VCAN: variants seen among roughly 807,000 people sequenced by gnomAD.
VCAN encodes the protein versican.
In VCAN, 44 loss-of-function variants were observed where a neutral mutation model predicts 245.5. The ratio of observed to expected loss-of-function variants is 0.18; its 90% CI spans 0.14 to 0.23. The LOEUF is 0.23. Among genes scored for constraint, VCAN ranks in the 10% least tolerant of loss-of-function variants. The probability of loss-of-function intolerance (pLI) is 1.00; values close to 1 mark genes in which losing one functional copy is unlikely to be tolerated. For missense variants in VCAN, 3,793 were observed against 4,057.9 expected, an observed-to-expected ratio of 0.93 and a Z score of 1.77; for synonymous variants, 1,413 against 1,437.0, an observed-to-expected ratio of 0.98 and a Z score of 0.38.
chr5:83,549,498 T>C (rs1269546794), intron 10 of VCAN, among the ~76,000 whole-genome samples: 1 of 152,178 alleles, frequency 6.6e-6, no homozygotes, highest in African/African-American at 2.4e-5. Flanking sequence ...TGAACCTAAA[T>C]GGCTTAACTC....
In VCAN at chr5:83,581,052, C is replaced by A. The variant is rs947873179; in HGVS notation, c.*618C>A. The stretch of plus-strand genomic sequence containing the variant: ...TGCTTCTACATGATGCTAAAGGCTG[C>A]GAATGGGATCCTGATGGAACTAAGG... On this transcript the variant is annotated 3_prime_UTR_variant, in exon 15 of 15. Coordinates refer to ENST00000265077, the MANE Select transcript of VCAN (RefSeq NM_004385.5). 1 of 158,698 alleles carries A rather than the reference C, an allele frequency of 6.3e-6. No individual in the cohort carries two copies. The highest frequency in any genetic ancestry group is 1.8e-4 in the South Asian group (1 of 5,512). The allele number at this position is 158,698 out of a possible 1,614,324, so 9.8% of individuals were successfully genotyped here.
intron 7 of VCAN, among the ~76,000 whole-genome samples, chr5:83,526,535 C>T (rs893992555): frequency 6.6e-6 from 1 of 151,982 alleles, no homozygotes; most frequent in African/African-American, 2.4e-5. Context: ...TAACATGTAC[C>T]TCACAACACA....
chr5:83,546,458 T>A (rs1229652326), intron 9 of VCAN, among the ~76,000 whole-genome samples: 1 of 151,954 alleles, frequency 6.6e-6, no homozygotes, highest in Non-Finnish European at 1.5e-5. Context: ...AAAAGAGTAC[T>A]TAAAAAAAGT....
At position 83,521,605 on chromosome 5, in the gene VCAN, A is replaced by C; in HGVS notation, c.3299A>C (p.His1100Pro). 2 of 1,614,060 alleles carry C rather than the reference A, an allele frequency of 1.2e-6. No individual in the cohort carries two copies. Among genetic ancestry groups the C allele is most frequent in the South Asian group, 2.2e-5 (2 of 91,080 alleles). ...LETTPVGKID[H>P]SVSYPPGAVT... ...ACAACTCCAGTTGGAAAAATTGATC[A>C]CAGTGTGTCTTATCCACCAGGTGCT... is the stretch of plus-strand genomic sequence containing the variant. Residue 1100 changes from histidine (H) to proline (P), a missense_variant, in exon 7 of 15, where the codon CAC becomes CCC. By Grantham distance (77) the His-to-Pro change is moderately conservative. Coordinates refer to ENST00000265077, the MANE Select transcript of VCAN (RefSeq NM_004385.5).
chr5:83,549,203 C>A (rs886350361), intron 10 of VCAN, among the ~76,000 whole-genome samples: 4 of 152,114 alleles, frequency 2.6e-5, no homozygotes, highest in East Asian at 1.9e-4. Context: ...AGAAGCAATT[C>A]AAAAAATCGT....
At position 83,537,937 on chromosome 5, in the gene VCAN, CAGA is replaced by C. The variant is rs1232901462; in HGVS notation, c.4941_4943del (p.Glu1647del). The C allele has an allele frequency of 4.3e-6, 7 of 1,613,744 alleles. No homozygotes were observed. Among genetic ancestry groups the C allele is most frequent in the African/African-American group, 1.3e-5 (1 of 74,890 alleles). ...CCAATTACAGAAGGCTCTGGAGAAG[CAGA>C]AGAAGATGAAGATACAATGTTCACC... On this transcript the variant is annotated inframe_deletion, in exon 8 of 15. Coordinates refer to ENST00000265077, the MANE Select transcript of VCAN (RefSeq NM_004385.5).
At chr5:83,547,947 T>A in intron 9 of VCAN, 24 bp from the exon 10 acceptor site, 1 of 1,523,450 alleles carries the variant, frequency 6.6e-7, no homozygotes, top group South Asian at 1.1e-5. Flanking sequence ...AAGTATTTTG[T>A]GAGCTTTTAC....
At chr5:83,479,935 A>G (rs1459317022) in intron 1 of VCAN, among the ~76,000 whole-genome samples, 2 of 152,154 alleles carry the variant, frequency 1.3e-5, no homozygotes, top group African/African-American at 4.8e-5. Context: ...CATGGAGTGG[A>G]AATGGGTAAG....
At chr5:83,545,686 T>G in intron 9 of VCAN, 36 bp downstream of exon 9, 3 of 1,471,630 alleles carry the variant, frequency 2.0e-6, no homozygotes, top group Non-Finnish European at 2.9e-6. Context: ...TGCAGTTCTT[T>G]CACAGAAGAT....
intron 5 of VCAN, among the ~76,000 whole-genome samples, chr5:83,498,416 G>A (rs773263858): frequency 1.2e-4 from 18 of 152,172 alleles, no homozygotes; most frequent in Non-Finnish European, 2.2e-4. Flanking sequence ...GAATAAATGA[G>A]TGAATTAATG....
intron 10 of VCAN, 102 bp downstream of exon 10, chr5:83,548,186 C>A: frequency 1.2e-6 from 1 of 840,880 alleles, no homozygotes; most frequent in East Asian, 2.6e-5. Flanking sequence ...TTCACATTTC[C>A]TTAGGTTTCC....
intron 1 of VCAN, among the ~76,000 whole-genome samples, chr5:83,472,862 A>G (rs1234172667): frequency 6.6e-6 from 1 of 152,122 alleles, no homozygotes; most frequent in Non-Finnish European, 1.5e-5. Context: ...AGGGATGTGC[A>G]ACAATTTTTC....
intron 10 of VCAN, among the ~76,000 whole-genome samples, chr5:83,552,985 C>G (rs1747528371): frequency 6.6e-6 from 1 of 152,166 alleles, no homozygotes; most frequent in South Asian, 2.1e-4. Flanking sequence ...GAACTCTTAT[C>G]TATCACTTGA....
chr5:83,508,656 A>G (rs2112384663), intron 5 of VCAN, among the ~76,000 whole-genome samples: 1 of 152,324 alleles, frequency 6.6e-6, no homozygotes, highest in South Asian at 2.1e-4. Context: ...AAATAAAGTA[A>G]TTATTGCTGA....
chr5:83,530,087 A>C (rs1746461071), intron 7 of VCAN, among the ~76,000 whole-genome samples: 1 of 152,110 alleles, frequency 6.6e-6, no homozygotes, highest in African/African-American at 2.4e-5. Context: ...TTTTGGGTGC[A>C]AATCAGAAGC....
chr5:83,569,430 A>C (rs1748201223), intron 12 of VCAN, among the ~76,000 whole-genome samples: 1 of 152,218 alleles, frequency 6.6e-6, no homozygotes, highest in African/African-American at 2.4e-5. Context: ...ATTAAACAAC[A>C]TAAGTATGTG....
At chr5:83,543,710 G>A (rs928137091) in intron 8 of VCAN, among the ~76,000 whole-genome samples, 5 of 152,010 alleles carry the variant, frequency 3.3e-5, no homozygotes, top group African/African-American at 1.2e-4. Context: ...TAATAACTAG[G>A]TACATATAGA....
intron 12 of VCAN, among the ~76,000 whole-genome samples, chr5:83,566,088 G>A (rs187561123): frequency 8.5e-4 from 129 of 150,888 alleles, no homozygotes; most frequent in Middle Eastern, 3.5e-3. Flanking sequence ...TCAGCCTTCC[G>A]AGGAATTACA....
intron 1 of VCAN, among the ~76,000 whole-genome samples, chr5:83,477,445 G>T (rs1744430441): frequency 6.6e-6 from 1 of 152,088 alleles, no homozygotes. Flanking sequence ...ATGGGTCCAT[G>T]CAAAATAAGA....
Sources: gnomAD v4.1 joint callset for allele counts (sites outside exome capture counted in the v4.1 genomes callset) on GRCh38, gnomAD v4.1.1 for gene constraint, MANE v1.5 for transcripts, NCBI Gene and HGNC (gene_info 2026-07-23, HGNC 2026-07-21) for gene names.